LRRFIP1: variants seen among roughly 807,000 people sequenced by gnomAD.
LRRFIP1 encodes the protein LRR binding FLII interacting protein 1, also known as leucine-rich repeat flightless-interacting protein 1.
Under a neutral mutation model 104.4 loss-of-function variants are expected in LRRFIP1, and 62 were observed. The ratio of observed to expected loss-of-function variants is 0.59; its 90% CI spans 0.48 to 0.73. The LOEUF (loss-of-function observed/expected upper bound fraction) is 0.73, where lower values mean the gene tolerates loss of function less well. Among genes scored for constraint, LRRFIP1 ranks in the 30% least tolerant of loss-of-function variants. LRRFIP1 has a pLI of 0.00. For synonymous variants in LRRFIP1, 300 were observed against 299.0 expected, an observed-to-expected ratio of 1.00 and a Z score of -0.03; for missense variants, 796 against 824.5, an observed-to-expected ratio of 0.97 and a Z score of 0.42.
At chr2:237,767,185 GAAAGA>G (rs779024702) in intron 19 of LRRFIP1, among the ~76,000 whole-genome samples, 1 of 151,664 alleles carries the variant, frequency 6.6e-6, no homozygotes, top group African/African-American at 2.4e-5. Flanking sequence ...CAAAAAAAAA[GAAAGA>G]AAAGAAAAAG....
chr2:237,669,228 T>C (rs1197029983), intron 1 of LRRFIP1, among the ~76,000 whole-genome samples: 2 of 152,216 alleles, frequency 1.3e-5, no homozygotes, highest in Non-Finnish European at 2.9e-5. Context: ...AATTAGAATA[T>C]TAGAAGTGCA....
chr2:237,760,886 GA>G, intron 19 of LRRFIP1, among the ~76,000 whole-genome samples: 1 of 152,222 alleles, frequency 6.6e-6, no homozygotes, highest in South Asian at 2.1e-4. Flanking sequence ...TAGATCAGAG[GA>G]ATATTTTATA....
rs1374174039 is a variant in LRRFIP1 at position 237,733,782 on chromosome 2, T to C, written c.453T>C (p.Cys151=). ...TTGCTTTCATCCTCCAGCCCTCCTG[T>C]CTGTACAGCGCTGCCCGGCCTTCGG... is the stretch of plus-strand genomic sequence containing the variant. ...SLNRRSGRPS[C]LYSAARPSGS... Residue 151 remains cysteine, a synonymous_variant, in exon 9 of 24, where the codon TGT becomes TGC. Transcript: ENST00000308482. 1 of 1,614,050 alleles carries C rather than the reference T, an allele frequency of 6.2e-7. No homozygotes were observed. Among genetic ancestry groups the C allele is most frequent in the South Asian group, 1.1e-5 (1 of 91,088 alleles).
intron 1 of LRRFIP1, among the ~76,000 whole-genome samples, chr2:237,642,436 G>A (rs993001163): frequency 2.4e-4 from 36 of 148,320 alleles, no homozygotes; most frequent in South Asian, 6.3e-4. Flanking sequence ...TTCAGCTTCC[G>A]GGTTCCAGGC....
intron 1 of LRRFIP1, among the ~76,000 whole-genome samples, chr2:237,670,797 G>A (rs1202420652): frequency 6.6e-6 from 1 of 152,240 alleles, no homozygotes; most frequent in Non-Finnish European, 1.5e-5. Context: ...AAGCTAGAAA[G>A]CATGATTGTT....
intron 1 of LRRFIP1, among the ~76,000 whole-genome samples, chr2:237,633,329 C>G (rs1363588941): frequency 6.6e-6 from 1 of 152,168 alleles, no homozygotes; most frequent in Admixed American, 6.5e-5. Context: ...GCTGTTTGTG[C>G]GATTCCCAAA....
intron 7 of LRRFIP1, among the ~76,000 whole-genome samples, chr2:237,725,064 G>T (rs1319370471): frequency 1.3e-5 from 2 of 152,176 alleles, no homozygotes; most frequent in African/African-American, 4.8e-5. Context: ...ATTCGGACTA[G>T]TCACAAGTTA....
Position 237,723,565 on chromosome 2 carries a change from G to A in LRRFIP1, c.363G>A (p.Glu121=), listed in dbSNP as rs2094611442. ...TCTGACAGTCGCAGCCTGACTTGGA[G>A]TATGGGGGTCCTTACGCCTGGGTGA... is the stretch of plus-strand genomic sequence containing the variant. ...RGSLRSQPDL[E]YGGPYAWTNG... is the part of the protein sequence containing the mutation. The change falls in exon 7 of 24, where the codon GAG becomes GAA. Residue 121 remains glutamate, a synonymous_variant. Transcript: ENST00000308482. The A allele has an allele frequency of 6.2e-7, 1 of 1,613,764 alleles. No homozygotes were observed. The highest frequency in any genetic ancestry group is 1.1e-5 in the South Asian group (1 of 91,084).
chr2:237,663,576 C>A (rs2149481567), intron 1 of LRRFIP1, among the ~76,000 whole-genome samples: 1 of 152,358 alleles, frequency 6.6e-6, no homozygotes, highest in Non-Finnish European at 1.5e-5. Context: ...AAGTTAATTT[C>A]TGTTGTTTAT....
chr2:237,633,314 C>T (rs1052103385), intron 1 of LRRFIP1, among the ~76,000 whole-genome samples: 2 of 152,224 alleles, frequency 1.3e-5, no homozygotes, highest in African/African-American at 4.8e-5. Context: ...TGCCTGTGAC[C>T]TTGGGCTGTT....
intron 22 of LRRFIP1, chr2:237,774,047 T>A: frequency 3.5e-6 from 1 of 289,798 alleles, no homozygotes; most frequent in Non-Finnish European, 6.6e-6. Flanking sequence ...CCATTCTGCC[T>A]GTTCCAACAG....
chr2:237,685,088 G>A (rs2092242236), intron 1 of LRRFIP1, among the ~76,000 whole-genome samples: 1 of 132,224 alleles, frequency 7.6e-6, no homozygotes, highest in Non-Finnish European at 1.6e-5. Flanking sequence ...TCAACAGTGT[G>A]AGACCTTGTC....
intron 1 of LRRFIP1, among the ~76,000 whole-genome samples, chr2:237,677,571 C>T (rs554361344): frequency 6.6e-6 from 1 of 152,112 alleles, no homozygotes; most frequent in Non-Finnish European, 1.5e-5. Flanking sequence ...GCAGGAGGAT[C>T]GCTTAAGGCC....
chr2:237,740,921 G>A (rs2095397025), intron 11 of LRRFIP1, among the ~76,000 whole-genome samples: 1 of 152,214 alleles, frequency 6.6e-6, no homozygotes, highest in African/African-American at 2.4e-5. Flanking sequence ...TGGAGAGCAG[G>A]AAAATAGAGT....
rs892811568 is a variant in LRRFIP1 at position 237,780,523 on chromosome 2, A to G, written c.*991A>G. Among the ~76,000 whole-genome samples the G allele has an allele frequency of 5.9e-5, 9 of 152,238 alleles. No homozygotes were observed. Among genetic ancestry groups the G allele is most frequent in the African/African-American group, 9.6e-5 (4 of 41,456 alleles). On this transcript the variant is annotated 3_prime_UTR_variant, in exon 24 of 24. Coordinates refer to ENST00000308482, the MANE Select transcript of LRRFIP1 (RefSeq NM_001137550.2). ...GGAGGTAACAGTAGAGACGATGGCA[A>G]TATCATCAAGGACAAAAGTAAAAAC...
chr2:237,716,639 A>AT (rs1559649482), intron 3 of LRRFIP1, among the ~76,000 whole-genome samples: 1 of 152,208 alleles, frequency 6.6e-6, no homozygotes, highest in Non-Finnish European at 1.5e-5. Flanking sequence ...CTAGCACCTG[A>AT]TTTTTTCTCT....
intron 23 of LRRFIP1, among the ~76,000 whole-genome samples, chr2:237,776,432 C>G (rs2061102306): frequency 6.6e-6 from 1 of 151,926 alleles, no homozygotes; most frequent in Non-Finnish European, 1.5e-5. Flanking sequence ...ATGCAAAATT[C>G]TGTATACTTC....
chr2:237,701,776 G>A (rs1395949161), intron 1 of LRRFIP1, among the ~76,000 whole-genome samples: 4 of 152,176 alleles, frequency 2.6e-5, no homozygotes, highest in Non-Finnish European at 5.9e-5. Context: ...GCCCCTCAGG[G>A]CCCTCTGCAT....
At chr2:237,728,994 C>G (rs1347080329) in intron 8 of LRRFIP1, among the ~76,000 whole-genome samples, 1 of 152,256 alleles carries the variant, frequency 6.6e-6, no homozygotes, top group Non-Finnish European at 1.5e-5. Flanking sequence ...GCTATCTCAG[C>G]TCACTGCAAC....
Sources: gnomAD v4.1 joint callset for allele counts (sites outside exome capture counted in the v4.1 genomes callset) on GRCh38, gnomAD v4.1.1 for gene constraint, MANE v1.5 for transcripts, NCBI Gene and HGNC (gene_info 2026-07-23, HGNC 2026-07-21) for gene names.